LRBA: variants seen among roughly 807,000 people sequenced by gnomAD.
LRBA encodes lipopolysaccharide-responsive and beige-like anchor protein.
A neutral mutation model predicts 330.0 loss-of-function variants in LRBA; 176 were observed. The ratio of observed to expected loss-of-function variants is 0.53; its 90% CI spans 0.47 to 0.60. The LOEUF is 0.60. LRBA is among the 20% of genes least tolerant of loss of function. The pLI is 0.00. For synonymous variants in LRBA, 1,230 were observed against 1,193.0 expected (o/e 1.03, Z -0.64); for missense variants, 3,259 against 3,444.8 (o/e 0.95, Z 1.35).
chr4:150,589,233 A>G (rs1426703349), intron 39 of LRBA, among the ~76,000 whole-genome samples: 1 of 152,216 alleles, frequency 6.6e-6, no homozygotes, highest in African/African-American at 2.4e-5. Flanking sequence ...CAGGTAATCA[A>G]TGGGTGAATA....
chr4:150,309,652 C>T (rs1481867484), intron 52 of LRBA, among the ~76,000 whole-genome samples: 1 of 152,048 alleles, frequency 6.6e-6, no homozygotes, highest in Non-Finnish European at 1.5e-5. Flanking sequence ...TGGTTTGTCC[C>T]TTAGGGAGAT....
At chr4:150,799,988 G>T (rs979762291) in intron 33 of LRBA, among the ~76,000 whole-genome samples, 1 of 152,020 alleles carries the variant, frequency 6.6e-6, no homozygotes, top group African/African-American at 2.4e-5. Context: ...CAGGTGATTC[G>T]CCAACCTTGG....
chr4:150,323,025 G>GTGTGTGTGTGTGTGTGTGTGTGTT lies in LRBA; in HGVS notation c.7453-1658_7453-1657insAACACACACACACACACACACACA, dbSNP rs373782725. ...TGTGTGTGTGTGTGTGTGTGTGTGT[G>GTGTGTGTGTGTGTGTGTGTGTGTT]GGGATGCATTGATGGTTGATGGGGG... On this transcript the variant is annotated intron_variant, in intron 49 of 56. Coordinates refer to ENST00000651943, the MANE Select transcript of LRBA (RefSeq NM_001364905.1). Among the ~76,000 whole-genome samples the GTGTGTGTGTGTGTGTGTGTGTGTT allele has an allele frequency of 7.5e-3, 1,066 of 142,616 alleles. 13 individuals carry two copies. Among genetic ancestry groups the GTGTGTGTGTGTGTGTGTGTGTGTT allele is most frequent in the Non-Finnish European group, 8.9e-3 (590 of 66,364 alleles). The allele number at this position is 142,616 out of a possible 152,430, so 93.6% of individuals were successfully genotyped here. A position where few individuals can be genotyped will look rare whatever the true frequency, so the allele number is the denominator to read the frequency against.
intron 40 of LRBA, among the ~76,000 whole-genome samples, chr4:150,496,879 T>C (rs1759652956): frequency 1.3e-5 from 2 of 152,070 alleles, no homozygotes; most frequent in South Asian, 4.1e-4. Flanking sequence ...ATACAAAATG[T>C]AAACTAATCA....
intron 16 of LRBA, among the ~76,000 whole-genome samples, chr4:150,893,861 G>C (rs948889488): frequency 2.0e-5 from 3 of 151,868 alleles, no homozygotes; most frequent in Non-Finnish European, 4.4e-5. Flanking sequence ...ATTTTTATTA[G>C]AGACGGGGTT....
chr4:150,918,223 A>T (rs1732862161), intron 5 of LRBA, among the ~76,000 whole-genome samples: 1 of 152,252 alleles, frequency 6.6e-6, no homozygotes. Context: ...TACCTGATAA[A>T]GGACTTGTAA....
In LRBA at chr4:150,436,818, C is replaced by T. The variant is rs200802435; in HGVS notation, c.6827G>A (p.Arg2276His). 244 of 1,613,720 alleles carry T rather than the reference C, an allele frequency of 1.5e-4. No homozygotes were observed. Among genetic ancestry groups the T allele is most frequent in the Middle Eastern group, 9.9e-4 (6 of 6,060 alleles). ...TTGATCATCTTCCCATGATTCATAACGCTCAGCGAAGAATGCTGCTCTTTT... is the reference window on the plus strand; with the variant it reads ...TTGATCATCTTCCCATGATTCATAATGCTCAGCGAAGAATGCTGCTCTTTT... Reference protein sequence around the residue: ...NPKRAAFFAERYESWEDDQVP... With the variant: ...NPKRAAFFAEHYESWEDDQVP... Residue 2276 changes from arginine (R) to histidine (H), a missense_variant, in exon 45 of 57, where the codon CGT becomes CAT. Arg to His is a conservative substitution (Grantham distance 29). Transcript: ENST00000651943.
rs551181353 is a variant in LRBA, at chr4:150,283,233, TCTC to T, written c.8120-590_8120-588del. On this transcript the variant is annotated intron_variant, in intron 54 of 56. Transcript: ENST00000651943. ...TTCACACAGGAACCCTTCGGCCACT[TCTC>T]CTTGGCAACTGAGTGAAGCCACCTC... 1.5e-3 allele frequency among the ~76,000 whole-genome samples: 233 copies of T among 152,052 alleles called. 1 individual carries two copies. Among genetic ancestry groups the T allele is most frequent in the African/African-American group, 5.3e-3 (221 of 41,486 alleles).
chr4:150,787,315 T>G (rs1383538323), intron 34 of LRBA, among the ~76,000 whole-genome samples: 2 of 152,202 alleles, frequency 1.3e-5, no homozygotes, highest in African/African-American at 4.8e-5. Context: ...ATGCACTGCC[T>G]AATAAGATCC....
chr4:150,446,852 T>C (rs896128002), intron 44 of LRBA, among the ~76,000 whole-genome samples: 1 of 152,208 alleles, frequency 6.6e-6, no homozygotes, highest in South Asian at 2.1e-4. Context: ...GGGATAGTCA[T>C]CAACATAGAG....
intron 49 of LRBA, among the ~76,000 whole-genome samples, chr4:150,322,352 TG>T (rs1180088303): frequency 6.6e-6 from 1 of 152,210 alleles, no homozygotes; most frequent in Non-Finnish European, 1.5e-5. Flanking sequence ...TTATACTTTG[TG>T]GTGGTGTGCT....
chr4:150,677,580 A>G lies in LRBA; in HGVS notation c.5921+5971T>C, dbSNP rs150109550. Among the ~76,000 whole-genome samples the G allele has an allele frequency of 3.1e-3, 476 of 152,296 alleles. 2 individuals carry two copies. Among genetic ancestry groups the G allele is most frequent in the Non-Finnish European group, 4.8e-3 (328 of 68,024 alleles). ...ATAAAAAGCACATATTCAATTTTGA[A>G]TATGGCAAAACATGTTACTTGCCAA... On this transcript the variant is annotated intron_variant, in intron 37 of 56. Transcript: ENST00000651943.
At chr4:150,850,200 TCTC>T (rs1485626808) in intron 24 of LRBA, among the ~76,000 whole-genome samples, 1 of 151,750 alleles carries the variant, frequency 6.6e-6, no homozygotes, top group Non-Finnish European at 1.5e-5. Flanking sequence ...TTCACACCAT[TCTC>T]CTACCTCAGC....
chr4:150,950,947 A>G (rs1181833803), intron 2 of LRBA, among the ~76,000 whole-genome samples: 7 of 152,222 alleles, frequency 4.6e-5, no homozygotes, highest in Admixed American at 3.3e-4. Flanking sequence ...CTGTTTTTTA[A>G]TTTATAAGGT....
chr4:150,555,972 T>C (rs1174401426), intron 40 of LRBA, among the ~76,000 whole-genome samples: 1 of 151,934 alleles, frequency 6.6e-6, no homozygotes, highest in Non-Finnish European at 1.5e-5. Flanking sequence ...TGGTTAATTC[T>C]GTTCATTTTT....
At chr4:150,834,369 TAGTA>T (rs1296524813) in intron 28 of LRBA, among the ~76,000 whole-genome samples, 3 of 152,192 alleles carry the variant, frequency 2.0e-5, no homozygotes, top group Non-Finnish European at 4.4e-5. Flanking sequence ...ATTTCTTAAA[TAGTA>T]AGTCAAAATG....
rs773538227 is a variant in LRBA at position 150,415,447 on chromosome 4, T to A, written c.7185A>T (p.Ile2395=). 6.2e-7 allele frequency: 1 copy of A among 1,613,362 alleles called. No individual in the cohort carries two copies. The highest frequency in any genetic ancestry group is 8.5e-7 in the Non-Finnish European group (1 of 1,179,658). Residue 2395 remains isoleucine (I), a synonymous_variant, in exon 47 of 57, where the codon ATA becomes ATT. Transcript: ENST00000651943. The part of the protein sequence containing the change: ...WAKTSEEFVH[I]NRLALESEFV... ...ATGATTATTATCTTACCAATCTGTT[T>A]ATGTGAACAAATTCTTCTGAGGTTT...
Position 150,820,603 on chromosome 4 carries a change from G to A in LRBA, c.5172-3346C>T, listed in dbSNP as rs1279028521. On this transcript the variant is annotated intron_variant, in intron 30 of 56. Transcript: ENST00000651943. Reference sequence around the variant, plus strand: ...AATAAAATCAATTTCCAAATTCGCTGACTGATTCAAATCAATTCTAAGGAA... The same window carrying A: ...AATAAAATCAATTTCCAAATTCGCTAACTGATTCAAATCAATTCTAAGGAA... Among the ~76,000 whole-genome samples the A allele has an allele frequency of 5.9e-5, 9 of 152,034 alleles. No homozygotes were observed. The East Asian group carries it at 1.7e-3, about 29-fold the overall frequency.
intron 37 of LRBA, among the ~76,000 whole-genome samples, chr4:150,675,238 T>G (rs1244707003): frequency 1.3e-5 from 2 of 152,140 alleles, no homozygotes; most frequent in Admixed American, 1.3e-4. Context: ...ATGATAGTTA[T>G]GAGTACAGGC....
Sources: allele counts gnomAD v4.1 joint callset (sites outside exome capture counted in the v4.1 genomes callset), GRCh38; gene constraint gnomAD v4.1.1; transcripts MANE v1.5; gene names NCBI Gene and HGNC (gene_info 2026-07-23, HGNC 2026-07-21).